The following FGF12 variants were observed in gnomAD, a reference collection of about 807,000 sequenced individuals.
The protein encoded by FGF12 is fibroblast growth factor 12, also known as fibroblast growth factor 12B.
FGF12 carries 14 observed loss-of-function variants against 23.6 expected under a neutral mutation model. The observed-to-expected ratio is 0.59, with a 90% CI of 0.39 to 0.93. FGF12 has a LOEUF of 0.93. Ranked by LOEUF, FGF12 falls within the 40% of genes least tolerant of loss-of-function variation. The pLI is 0.00. For missense variants in FGF12, 175 were observed against 217.8 expected, an observed-to-expected ratio of 0.80 and a Z score of 1.24; for synonymous variants, 62 against 77.3, an observed-to-expected ratio of 0.80 and a Z score of 1.04.
chr3:192,578,890 A>T (rs905369873), intron 2 of FGF12, among the ~76,000 whole-genome samples: 1 of 152,220 alleles, frequency 6.6e-6, no homozygotes, highest in African/African-American at 2.4e-5. Context: ...CATTTTCACC[A>T]CATAGACACA....
intron 2 of FGF12, among the ~76,000 whole-genome samples, chr3:192,623,487 C>G (rs186492275): frequency 2.0e-5 from 3 of 152,260 alleles, no homozygotes. Flanking sequence ...ATATAATGCC[C>G]TAAAAATTGC....
rs1713413879 is a variant in FGF12 at position 192,141,927 on chromosome 3, TTC to T, written c.*2080_*2081del. 1 of 152,212 alleles carries T rather than the reference TTC, an allele frequency of 6.6e-6. No individual in the cohort carries two copies. The highest frequency in any genetic ancestry group is 2.4e-5 in the African/African-American group (1 of 41,398). The allele number at this position is 152,212 out of a possible 1,614,324, so 9.4% of individuals were successfully genotyped here. On this transcript the variant is annotated 3_prime_UTR_variant, in exon 6 of 6. Coordinates refer to ENST00000445105, the MANE Select transcript of FGF12 (RefSeq NM_004113.6). ...AATAAGCTTTGTGCTTGGGATTTTTTTCTTTTTTTTTTTGGTTCTGGTAGTGA... is the reference window on the plus strand; with the variant it reads ...AATAAGCTTTGTGCTTGGGATTTTTTTTTTTTTTTTTGGTTCTGGTAGTGA...
chr3:192,542,022 C>T (rs577745445), intron 2 of FGF12, among the ~76,000 whole-genome samples: 3 of 145,108 alleles, frequency 2.1e-5, no homozygotes, highest in Admixed American at 1.4e-4. Context: ...CATCACCATG[C>T]CTGGCATTTT....
At chr3:192,392,813 C>T (rs1021515321) in intron 2 of FGF12, among the ~76,000 whole-genome samples, 1 of 152,120 alleles carries the variant, frequency 6.6e-6, no homozygotes, top group African/African-American at 2.4e-5. Flanking sequence ...GGATGTCTGT[C>T]AAATAATTGA....
chr3:192,665,787 T>TA (rs1577108597), intron 2 of FGF12, among the ~76,000 whole-genome samples: 4 of 113,822 alleles, frequency 3.5e-5, no homozygotes, highest in African/African-American at 9.6e-5. Flanking sequence ...AGTAAAATTT[T>TA]TAAAAAAAGA....
intron 2 of FGF12, among the ~76,000 whole-genome samples, chr3:192,630,445 A>T (rs1302409591): frequency 1.3e-5 from 2 of 152,114 alleles, no homozygotes; most frequent in Admixed American, 6.5e-5. Context: ...AAAAAAAAAA[A>T]ATTACCCAGG....
intron 2 of FGF12, among the ~76,000 whole-genome samples, chr3:192,679,796 A>C (rs1473880721): frequency 6.6e-6 from 1 of 152,120 alleles, no homozygotes; most frequent in Non-Finnish European, 1.5e-5. Flanking sequence ...GCTTCTCCAT[A>C]CAGCTGCACA....
intron 2 of FGF12, among the ~76,000 whole-genome samples, chr3:192,469,679 A>C (rs369347596): frequency 1.3e-5 from 2 of 152,322 alleles, no homozygotes; most frequent in East Asian, 3.9e-4. Context: ...AAGGTCTATA[A>C]AGGAATGTGT....
At chr3:192,157,128 A>T (rs544306661) in intron 5 of FGF12, among the ~76,000 whole-genome samples, 27 of 152,244 alleles carry the variant, frequency 1.8e-4, no homozygotes, top group Non-Finnish European at 3.7e-4. Context: ...TTTAAAGCAC[A>T]GTATTTACTA....
chr3:192,341,078 T>C (rs973583458), intron 3 of FGF12, among the ~76,000 whole-genome samples: 4 of 151,948 alleles, frequency 2.6e-5, no homozygotes, highest in Admixed American at 2.6e-4. Flanking sequence ...GGGTTCAATA[T>C]CCAGAATACA....
intron 2 of FGF12, among the ~76,000 whole-genome samples, chr3:192,362,506 C>G (rs1032481160): frequency 1.6e-4 from 24 of 152,064 alleles, no homozygotes; most frequent in African/African-American, 5.5e-4. Flanking sequence ...TCTGTCCTTG[C>G]TGTAAACAAC....
chr3:192,708,552 T>A (rs1718563976), intron 2 of FGF12, among the ~76,000 whole-genome samples: 1 of 152,130 alleles, frequency 6.6e-6, no homozygotes, highest in African/African-American at 2.4e-5. Flanking sequence ...CCCTATAGAA[T>A]TAACTCAATT....
intron 2 of FGF12, among the ~76,000 whole-genome samples, chr3:192,685,388 A>T (rs1380691867): frequency 6.6e-6 from 1 of 152,212 alleles, no homozygotes; most frequent in Non-Finnish European, 1.5e-5. Context: ...AGAACACAGT[A>T]AGCACTATAA....
intron 4 of FGF12, among the ~76,000 whole-genome samples, chr3:192,249,959 G>A (rs1711891829): frequency 6.6e-6 from 1 of 152,156 alleles, no homozygotes. Flanking sequence ...ATTGAGAAAG[G>A]CTGGTGTCTA....
At chr3:192,671,815 ACACT>A (rs972730153) in intron 2 of FGF12, among the ~76,000 whole-genome samples, 10 of 152,214 alleles carry the variant, frequency 6.6e-5, no homozygotes, top group Non-Finnish European at 1.3e-4. Flanking sequence ...ACACACACAC[ACACT>A]CACAAGAACA....
intron 2 of FGF12, among the ~76,000 whole-genome samples, chr3:192,567,585 C>G (rs543130022): frequency 2.0e-5 from 3 of 152,232 alleles, no homozygotes; most frequent in African/African-American, 7.2e-5. Context: ...AGTCCAAAAT[C>G]AAGGTGTCCA....
At chr3:192,725,144 C>T (rs1015080645) in intron 2 of FGF12, among the ~76,000 whole-genome samples, 3 of 152,194 alleles carry the variant, frequency 2.0e-5, no homozygotes, top group Non-Finnish European at 2.9e-5. Context: ...TAGCTACCAT[C>T]GTTAGCTGTG....
At chr3:192,185,235 A>G (rs556123029) in intron 4 of FGF12, among the ~76,000 whole-genome samples, 4 of 152,328 alleles carry the variant, frequency 2.6e-5, no homozygotes, top group Admixed American at 2.6e-4. Context: ...TGTATTTGCA[A>G]TGATGACATA....
At chr3:192,581,354 C>T (rs1180583381) in intron 2 of FGF12, among the ~76,000 whole-genome samples, 2 of 151,252 alleles carry the variant, frequency 1.3e-5, no homozygotes, top group African/African-American at 4.9e-5. Flanking sequence ...TGTCTTGAGC[C>T]CAGGAGTTTG....
Sources: allele counts gnomAD v4.1 joint callset (sites outside exome capture counted in the v4.1 genomes callset), GRCh38; gene constraint gnomAD v4.1.1; transcripts MANE v1.5; gene names NCBI Gene and HGNC (gene_info 2026-07-23, HGNC 2026-07-21).